The following IQCH variants were observed in gnomAD, a reference collection of about 807,000 sequenced individuals.
The protein encoded by IQCH is IQ motif containing H, also known as IQ domain-containing protein H.
Under a neutral mutation model 117.0 loss-of-function variants are expected in IQCH, and 98 were observed. That is an observed-to-expected ratio of 0.84 (90% confidence interval 0.71 to 0.99). The LOEUF is 0.99. Among genes scored for constraint, IQCH ranks in the 50% least tolerant of loss-of-function variants. The probability of loss-of-function intolerance (pLI) is 0.00; values close to 1 mark genes in which losing one functional copy is unlikely to be tolerated. For missense variants in IQCH, 1,102 were observed against 1,243.8 expected (o/e 0.89, Z 1.72); for synonymous variants, 412 against 448.2 (o/e 0.92, Z 1.02).
chr15:67,373,563 GATGAGAGTAAT>G (rs1479688375), intron 10 of IQCH, 130 bp downstream of exon 10: 1 of 727,314 alleles, frequency 1.4e-6, no homozygotes, highest in African/African-American at 1.7e-5. Flanking sequence ...TTCTCGACAT[GATGAGAGTAAT>G]AACACAGGAC....
intron 3 of IQCH, among the ~76,000 whole-genome samples, chr15:67,270,519 G>A (rs1212632408): frequency 1.3e-5 from 2 of 152,186 alleles, no homozygotes; most frequent in Non-Finnish European, 2.9e-5. Context: ...AAGGTGTTTG[G>A]GTTGTGGGGG....
chr15:67,437,523 C>T (rs1203769796), intron 16 of IQCH, among the ~76,000 whole-genome samples: 1 of 152,166 alleles, frequency 6.6e-6, no homozygotes, highest in African/African-American at 2.4e-5. Flanking sequence ...AAAAATCACA[C>T]TAGTTCACCA....
chr15:67,304,181 T>C (rs186646992), intron 4 of IQCH, among the ~76,000 whole-genome samples: 4 of 152,324 alleles, frequency 2.6e-5, no homozygotes, highest in Non-Finnish European at 5.9e-5. Flanking sequence ...AAGGGACTGA[T>C]TAGCAGCCTA....
At position 67,453,333 on chromosome 15, in the gene IQCH, G is replaced by GT. The variant is rs1205343439; in HGVS notation, c.2506-11787dup. On this transcript the variant is annotated intron_variant, in intron 16 of 20. Transcript: ENST00000335894. The surrounding 1 kb of genome is among the most constrained non-coding windows in gnomAD (Gnocchi z 5.8). ...TTAGAGTTTCCAGTTTTTCTGCTCT[G>GT]TTTTTTTCCCATCTTTGTGGTTTTA... is the stretch of plus-strand genomic sequence containing the variant. 6.6e-6 allele frequency among the ~76,000 whole-genome samples: 1 copy of GT among 152,062 alleles called. No individual in the cohort carries two copies. The highest frequency in any genetic ancestry group is 1.5e-5 in the Non-Finnish European group (1 of 68,004).
In IQCH at chr15:67,393,503, C is replaced by T. The variant is rs1596304462; in HGVS notation, c.1633-1788C>T. Among the ~76,000 whole-genome samples the T allele has an allele frequency of 6.6e-6, 1 of 152,086 alleles. No individual in the cohort carries two copies. The highest frequency in any genetic ancestry group is 1.9e-4 in the East Asian group (1 of 5,200). ...CTTTTACATTATATTATTTGCATAA[C>T]ATTTTAATGACTTTATTTTTATTTT... On this transcript the variant is annotated intron_variant, in intron 12 of 20. Transcript: ENST00000335894. This position sits in a 1 kb window ranked among gnomAD's most constrained non-coding sequence, Gnocchi z 5.5.
intron 16 of IQCH, among the ~76,000 whole-genome samples, chr15:67,428,013 A>G (rs1185871560): frequency 6.6e-6 from 1 of 151,954 alleles, no homozygotes; most frequent in Admixed American, 6.6e-5. Flanking sequence ...TTTAGTAGAG[A>G]CGGGGTTTCG....
intron 15 of IQCH, among the ~76,000 whole-genome samples, chr15:67,420,376 G>A (rs1467861782): frequency 6.6e-6 from 1 of 152,206 alleles, no homozygotes; most frequent in Non-Finnish European, 1.5e-5. Flanking sequence ...GCAAATTTGT[G>A]AAATACAGGC....
At chr15:67,264,368 G>T (rs967024055) in intron 3 of IQCH, among the ~76,000 whole-genome samples, 29 of 152,354 alleles carry the variant, frequency 1.9e-4, no homozygotes, top group African/African-American at 7.0e-4. Flanking sequence ...GGGCACAGGT[G>T]AGCTAAGTGC....
At chr15:67,281,449 A>G in intron 4 of IQCH, 1 of 305,544 alleles carries the variant, frequency 3.3e-6, no homozygotes, top group South Asian at 2.9e-5. Context: ...GGCATGGCCA[A>G]AACCAGGTTA....
At chr15:67,277,077 A>G (rs573656319) in intron 3 of IQCH, among the ~76,000 whole-genome samples, 2 of 152,346 alleles carry the variant, frequency 1.3e-5, no homozygotes, top group Non-Finnish European at 2.9e-5. Context: ...TTCATTGGCC[A>G]TATTCAATAT....
rs2081365604 is a variant in IQCH at position 67,408,623 on chromosome 15, A to T, written c.2098-8308A>T. ...GCCCATTCCTTTTGCATAAAATTAA[A>T]ATATAAATTCTCCTGATAGTCTCTC... On this transcript the variant is annotated intron_variant, in intron 14 of 20. Coordinates refer to ENST00000335894, the MANE Select transcript of IQCH (RefSeq NM_001031715.3). This position sits in a 1 kb window ranked among gnomAD's most constrained non-coding sequence, Gnocchi z 4.2. 6.6e-6 allele frequency: 1 copy of T among 152,168 alleles called. No homozygotes were observed. Among genetic ancestry groups the T allele is most frequent in the Non-Finnish European group, 1.5e-5 (1 of 68,030 alleles). 9.4% of individuals were successfully genotyped at this position (152,168 alleles called of 1,614,324 possible). A position where few individuals can be genotyped will look rare whatever the true frequency, so the allele number is the denominator to read the frequency against.
At chr15:67,262,474 A>G (rs889106456) in intron 2 of IQCH, among the ~76,000 whole-genome samples, 1 of 152,154 alleles carries the variant, frequency 6.6e-6, no homozygotes, top group Non-Finnish European at 1.5e-5. Context: ...TCATTGTCAT[A>G]TTACCTAATG....
chr15:67,255,054 A>T (rs961200628), intron 1 of IQCH, 107 bp downstream of exon 1: 17 of 1,107,582 alleles, frequency 1.5e-5, no homozygotes, highest in Non-Finnish European at 2.3e-5. Context: ...CGCCGCCCCT[A>T]GACTCCCTCC....
chr15:67,350,952 C>G (rs1305592824), intron 6 of IQCH, among the ~76,000 whole-genome samples: 1 of 152,076 alleles, frequency 6.6e-6, no homozygotes, highest in African/African-American at 2.4e-5. Flanking sequence ...AAGGAGATGG[C>G]CTGTATGCAT....
intron 4 of IQCH, among the ~76,000 whole-genome samples, chr15:67,329,231 C>T (rs543304878): frequency 4.9e-4 from 74 of 150,424 alleles, no homozygotes; most frequent in Non-Finnish European, 9.4e-4. Context: ...CCCAGGAGGT[C>T]GAGGCTGTAG....
chr15:67,381,342 T>G lies in IQCH; in HGVS notation c.1373-3594T>G, dbSNP rs1366332475. Among the ~76,000 whole-genome samples the G allele has an allele frequency of 6.6e-6, 1 of 152,302 alleles. No homozygotes were observed. The highest frequency in any genetic ancestry group is 1.5e-5 in the Non-Finnish European group (1 of 68,018). On this transcript the variant is annotated intron_variant, in intron 10 of 20. Coordinates refer to ENST00000335894, the MANE Select transcript of IQCH (RefSeq NM_001031715.3). The surrounding 1 kb of genome is among the most constrained non-coding windows in gnomAD (Gnocchi z 5.1). ...GACCAGAAGTAGTAGATGAGTAACTTCAGAGAGGCAGCTCTCAGGTAAGCT... is the reference window on the plus strand; with the variant it reads ...GACCAGAAGTAGTAGATGAGTAACTGCAGAGAGGCAGCTCTCAGGTAAGCT...
intron 16 of IQCH, among the ~76,000 whole-genome samples, chr15:67,462,424 T>C (rs1243908324): frequency 7.1e-6 from 1 of 140,586 alleles, no homozygotes; most frequent in Non-Finnish European, 1.5e-5. Flanking sequence ...TGAGACTCCA[T>C]CTCAAAAAAA....
intron 3 of IQCH, among the ~76,000 whole-genome samples, chr15:67,273,354 G>A (rs1965985029): frequency 6.6e-6 from 1 of 152,152 alleles, no homozygotes; most frequent in Admixed American, 6.5e-5. Context: ...ATAGGCACGA[G>A]CCACCATGCC....
intron 4 of IQCH, among the ~76,000 whole-genome samples, chr15:67,306,275 C>A (rs1967289810): frequency 6.6e-6 from 1 of 152,080 alleles, no homozygotes; most frequent in Admixed American, 6.6e-5. Flanking sequence ...GGGATAAATG[C>A]AGTTGTGATT....
Sources: allele counts gnomAD v4.1 joint callset (sites outside exome capture counted in the v4.1 genomes callset), GRCh38; gene constraint gnomAD v4.1.1; non-coding constraint Gnocchi (gnomAD v3.1); transcripts MANE v1.5; gene names NCBI Gene and HGNC (gene_info 2026-07-23, HGNC 2026-07-21).